SNUPN: variants seen among roughly 807,000 people sequenced by gnomAD.
SNUPN encodes the protein snurportin-1.
A neutral mutation model predicts 39.2 loss-of-function variants in SNUPN; 31 were observed. That is an observed-to-expected ratio of 0.79 (90% confidence interval 0.59 to 1.07). The LOEUF is 1.07. Among genes scored for constraint, SNUPN ranks in the 50% least tolerant of loss-of-function variants. SNUPN has a pLI of 0.00. For synonymous variants in SNUPN, 132 were observed against 159.0 expected, an observed-to-expected ratio of 0.83 and a Z score of 1.28; for missense variants, 382 against 434.2, an observed-to-expected ratio of 0.88 and a Z score of 1.07.
intron 3 of SNUPN, 31 bp downstream of exon 3, chr15:75,617,377 A>G: frequency 6.2e-7 from 1 of 1,606,990 alleles, no homozygotes; most frequent in Non-Finnish European, 8.5e-7. Context: ...GAGTGAGATT[A>G]GCTGGGTCTC....
At chr15:75,620,795 A>T (rs566446539) in intron 2 of SNUPN, 99 bp downstream of exon 2, 1 of 1,051,116 alleles carries the variant, frequency 9.5e-7, no homozygotes, top group Admixed American at 2.3e-5. Flanking sequence ...CAAAGAGTCT[A>T]CTTTGAAGGG....
intron 2 of SNUPN, among the ~76,000 whole-genome samples, chr15:75,619,014 A>T: frequency 8.2e-6 from 1 of 121,892 alleles, no homozygotes; most frequent in African/African-American, 3.3e-5. Context: ...GTATACTGCT[A>T]CTTGTGTTAA....
intron 6 of SNUPN, 32 bp downstream of exon 6, chr15:75,607,183 AG>A: frequency 6.7e-7 from 1 of 1,493,504 alleles, no homozygotes; most frequent in Non-Finnish European, 9.3e-7. Flanking sequence ...AGGAGAAGAC[AG>A]GAAGAGCCAC....
At chr15:75,621,810 GGT>G (rs1253214598) in intron 1 of SNUPN, among the ~76,000 whole-genome samples, 3 of 151,968 alleles carry the variant, frequency 2.0e-5, no homozygotes, top group Non-Finnish European at 4.4e-5. Flanking sequence ...GGCCGAGGTG[GGT>G]GGATCACAAG....
At position 75,598,250 on chromosome 15, in the gene SNUPN, G is replaced by A. The variant is rs2075256701; in HGVS notation, c.*108C>T. 1 of 868,232 alleles carries A rather than the reference G, an allele frequency of 1.2e-6. No homozygotes were observed. The highest frequency in any genetic ancestry group is 1.7e-6 in the Non-Finnish European group (1 of 572,432). The allele number at this position is 868,232 out of a possible 1,614,324, so 53.8% of individuals were successfully genotyped here. A position where few individuals can be genotyped will look rare whatever the true frequency, so the allele number is the denominator to read the frequency against. On this transcript the variant is annotated 3_prime_UTR_variant, in exon 9 of 9. Transcript: ENST00000308588. Reference sequence around the variant, plus strand: ...AGCTGTTTCCAGCTGGACTGGGTTTGGAAAGTTCACTCTAAAGAATGAAGT... The same window carrying A: ...AGCTGTTTCCAGCTGGACTGGGTTTAGAAAGTTCACTCTAAAGAATGAAGT...
chr15:75,612,768 C>T (rs960990235), intron 3 of SNUPN, among the ~76,000 whole-genome samples: 4 of 152,062 alleles, frequency 2.6e-5, no homozygotes, highest in African/African-American at 9.7e-5. Flanking sequence ...TTCCCTTCTG[C>T]GTCTCATAAC....
chr15:75,600,512 T>C (rs1198460564), intron 8 of SNUPN: 1 of 152,472 alleles, frequency 6.6e-6, no homozygotes, highest in Non-Finnish European at 1.5e-5. Context: ...TGACCTCAAG[T>C]GATCCACCGG....
chr15:75,622,325 A>G lies in SNUPN; in HGVS notation c.-5-1269T>C, dbSNP rs1893093507. The G allele has an allele frequency of 8.1e-6, 8 of 985,218 alleles. No individual in the cohort carries two copies. The South Asian group carries it at 3.8e-4, about 46-fold the overall frequency. 61.0% of individuals were successfully genotyped at this position (985,218 alleles called of 1,614,324 possible). A position where few individuals can be genotyped will look rare whatever the true frequency, so the allele number is the denominator to read the frequency against. ...TGGGCAGAAAGAAGGTTTCAGGGCT[A>G]CTTATGTGGGACTCACTTGGAAAAG... On this transcript the variant is annotated intron_variant, in intron 1 of 8. Coordinates refer to ENST00000308588, the MANE Select transcript of SNUPN (RefSeq NM_005701.4).
At chr15:75,616,189 G>A (rs1260746600) in intron 3 of SNUPN, among the ~76,000 whole-genome samples, 1 of 151,270 alleles carries the variant, frequency 6.6e-6, no homozygotes. Flanking sequence ...GGGTGCAGTG[G>A]CTCACTCTTG....
In SNUPN at chr15:75,598,559, C is replaced by T. The variant is rs539545445; in HGVS notation, c.882G>A (p.Pro294=). ...DVLGVAVPAG[P]LTTKPDYAGH... ...CAGCATAGTCTGGCTTGGTGGTCAG[C>T]GGGCCAGCCGGCACAGCTACACCAA... The change falls in exon 9 of 9, where the codon CCG becomes CCA. Residue 294 remains proline, a synonymous_variant. Coordinates refer to ENST00000308588, the MANE Select transcript of SNUPN (RefSeq NM_005701.4). The T allele has an allele frequency of 2.3e-4, 372 of 1,614,128 alleles. 7 individuals are homozygous for T. The South Asian group carries it at 3.6e-3, about 16-fold the overall frequency.
chr15:75,608,528 A>C (rs139253130), intron 5 of SNUPN, among the ~76,000 whole-genome samples: 23 of 152,326 alleles, frequency 1.5e-4, no homozygotes, highest in African/African-American at 5.5e-4. Flanking sequence ...CCACGACCTT[A>C]GTCTACTCAG....
intron 1 of SNUPN, among the ~76,000 whole-genome samples, chr15:75,621,553 C>T (rs980721702): frequency 3.9e-5 from 6 of 152,126 alleles, no homozygotes; most frequent in African/African-American, 1.2e-4. Context: ...TGAGCCACTG[C>T]GCCCGGCCTT....
intron 8 of SNUPN, 92 bp downstream of exon 8, chr15:75,601,045 AG>A (rs2075281555): frequency 1.1e-6 from 1 of 945,184 alleles, no homozygotes; most frequent in African/African-American, 1.6e-5. Flanking sequence ...GCTTTGACAC[AG>A]CACAATCAAG....
Position 75,607,263 on chromosome 15 carries a change from C to CGTA in SNUPN, c.550_552dup (p.Tyr184dup), listed in dbSNP as rs2075338273. The CGTA allele has an allele frequency of 6.2e-7, 1 of 1,613,740 alleles. No individual in the cohort carries two copies. Among genetic ancestry groups the CGTA allele is most frequent in the Non-Finnish European group, 8.5e-7 (1 of 1,179,800 alleles). On this transcript the variant is annotated inframe_insertion, in exon 6 of 9. Coordinates refer to ENST00000308588, the MANE Select transcript of SNUPN (RefSeq NM_005701.4). ...CCCCGCCAGCACATCACATCCAGAA[C>CGTA]GTAGTAGGTCTGGTTTACCTCATTG...
In SNUPN at chr15:75,614,406, T is replaced by C. The variant is rs575908636; in HGVS notation, c.303+3002A>G. ...TAAACTGAAGAATAAATAAACAAAA[T>C]GTAGTCTATCCATACAGTGGAATAT... On this transcript the variant is annotated intron_variant, in intron 3 of 8. Coordinates refer to ENST00000308588, the MANE Select transcript of SNUPN (RefSeq NM_005701.4). 1.1e-4 allele frequency among the ~76,000 whole-genome samples: 16 copies of C among 152,152 alleles called. No individual in the cohort carries two copies. In the South Asian group the frequency reaches 3.3e-3, roughly 32 times the overall value.
At chr15:75,600,712 T>C (rs1308933086) in intron 8 of SNUPN, 1 of 196,708 alleles carries the variant, frequency 5.1e-6, no homozygotes, top group African/African-American at 2.4e-5. Flanking sequence ...GATTAGGGAT[T>C]TGGACATTTG....
intron 2 of SNUPN, among the ~76,000 whole-genome samples, chr15:75,620,063 T>A (rs1215237423): frequency 6.6e-6 from 1 of 152,130 alleles, no homozygotes; most frequent in Non-Finnish European, 1.5e-5. Flanking sequence ...ATGTATATTT[T>A]AAATTTTCAA....
chr15:75,621,384 C>G (rs1043722220), intron 1 of SNUPN, among the ~76,000 whole-genome samples: 2 of 151,752 alleles, frequency 1.3e-5, no homozygotes. Context: ...CCTCAGCTTC[C>G]CCAGTAACTG....
chr15:75,605,304 T>C, intron 6 of SNUPN, 77 bp from the exon 7 acceptor site: 5 of 766,990 alleles, frequency 6.5e-6, no homozygotes, highest in Non-Finnish European at 1.0e-5. Flanking sequence ...CACCCCATGC[T>C]ATTTTTTTTT....
Sources: allele counts gnomAD v4.1 joint callset (sites outside exome capture counted in the v4.1 genomes callset), GRCh38; gene constraint gnomAD v4.1.1; transcripts MANE v1.5; gene names NCBI Gene and HGNC (gene_info 2026-07-23, HGNC 2026-07-21).